Variants in TMPRSS11A observed in about 807,000 individuals in gnomAD.
The protein encoded by TMPRSS11A is transmembrane protease serine 11A.
Under a neutral mutation model 58.9 loss-of-function variants are expected in TMPRSS11A, and 53 were observed. That is an observed-to-expected ratio of 0.90 (90% CI 0.72 to 1.13). TMPRSS11A has a LOEUF of 1.13. Among genes scored for constraint, TMPRSS11A ranks in the 50% most tolerant of loss-of-function variants. The pLI is 0.00. For synonymous variants in TMPRSS11A, 167 were observed against 169.8 expected (o/e 0.98, Z 0.13); for missense variants, 493 against 499.3 (o/e 0.99, Z 0.12).
intron 3 of TMPRSS11A, among the ~76,000 whole-genome samples, chr4:67,932,659 A>G (rs543438051): frequency 1.3e-5 from 2 of 152,274 alleles, no homozygotes; most frequent in Admixed American, 6.5e-5. Context: ...TCTAGCCTCC[A>G]TCCTGGCATT....
At chr4:67,926,768 TGGTGGG>T (rs1439876633) in intron 5 of TMPRSS11A, among the ~76,000 whole-genome samples, 1 of 152,068 alleles carries the variant, frequency 6.6e-6, no homozygotes, top group Non-Finnish European at 1.5e-5. Context: ...AGTTGCCCAC[TGGTGGG>T]GGAGCAGCTT....
intron 1 of TMPRSS11A, among the ~76,000 whole-genome samples, chr4:67,953,034 A>G (rs1721202406): frequency 6.6e-6 from 1 of 152,152 alleles, no homozygotes; most frequent in Non-Finnish European, 1.5e-5. Context: ...TCAGATCATC[A>G]GGCATTAGAT....
intron 2 of TMPRSS11A, among the ~76,000 whole-genome samples, chr4:67,945,328 A>T (rs1720974556): frequency 6.6e-6 from 1 of 152,154 alleles, no homozygotes; most frequent in East Asian, 1.9e-4. Context: ...AATGGGAAAA[A>T]TACAAAACAA....
At chr4:67,916,112 G>A (rs889539526) in intron 8 of TMPRSS11A, among the ~76,000 whole-genome samples, 5 of 151,982 alleles carry the variant, frequency 3.3e-5, no homozygotes, top group Admixed American at 6.6e-5. Context: ...CTTGAGAAAC[G>A]CTACAAGAGT....
intron 3 of TMPRSS11A, among the ~76,000 whole-genome samples, chr4:67,939,814 G>A (rs112716463): frequency 0.022 from 3,276 of 152,016 alleles, 122 homozygotes; most frequent in African/African-American, 0.074. Flanking sequence ...TCAGCCCTCC[G>A]AGTAGCTGGG....
chr4:67,919,618 A>G (rs1720264932), intron 7 of TMPRSS11A, among the ~76,000 whole-genome samples: 2 of 152,230 alleles, frequency 1.3e-5, no homozygotes, highest in African/African-American at 4.8e-5. Context: ...AAGGAAAAGG[A>G]TCAAAGCAAG....
At chr4:67,926,570 C>A (rs867354287) in intron 5 of TMPRSS11A, among the ~76,000 whole-genome samples, 2 of 152,198 alleles carry the variant, frequency 1.3e-5, no homozygotes, top group Non-Finnish European at 2.9e-5. Flanking sequence ...CCCAACCTCA[C>A]GTGACCAGGC....
chr4:67,927,319 C>A (rs1720500324), intron 5 of TMPRSS11A, among the ~76,000 whole-genome samples: 1 of 152,226 alleles, frequency 6.6e-6, no homozygotes, highest in Non-Finnish European at 1.5e-5. Context: ...CTCTTTGGGA[C>A]CCTGCAGTTC....
chr4:67,960,002 T>C (rs183152906), intron 1 of TMPRSS11A, among the ~76,000 whole-genome samples: 2 of 152,298 alleles, frequency 1.3e-5, no homozygotes, highest in Non-Finnish European at 2.9e-5. Context: ...AAAATGTATG[T>C]CCTTTGCAGC....
intron 3 of TMPRSS11A, among the ~76,000 whole-genome samples, chr4:67,932,552 T>A (rs1720655633): frequency 6.6e-6 from 1 of 152,138 alleles, no homozygotes; most frequent in Non-Finnish European, 1.5e-5. Context: ...TTTTCTAACC[T>A]GTAAAACAAA....
At chr4:67,938,861 C>CT (rs1720812834) in intron 3 of TMPRSS11A, among the ~76,000 whole-genome samples, 1 of 145,398 alleles carries the variant, frequency 6.9e-6, no homozygotes, top group South Asian at 2.2e-4. Context: ...TGGCTCTGTT[C>CT]TTTTTTATTA....
chr4:67,956,133 G>A (rs1167733252), intron 1 of TMPRSS11A, among the ~76,000 whole-genome samples: 2 of 152,138 alleles, frequency 1.3e-5, no homozygotes, highest in Non-Finnish European at 2.9e-5. Context: ...CATGAAATAA[G>A]CAAATGAGGG....
chr4:67,919,711 G>A (rs1473654848), intron 7 of TMPRSS11A, among the ~76,000 whole-genome samples: 1 of 152,130 alleles, frequency 6.6e-6, no homozygotes, highest in Non-Finnish European at 1.5e-5. Context: ...GTACTAACAG[G>A]TCATTATGAT....
chr4:67,911,641 A>G, intron 9 of TMPRSS11A, 138 bp from the exon 10 acceptor site: 2 of 533,962 alleles, frequency 3.7e-6, no homozygotes, highest in Admixed American at 7.0e-5. Flanking sequence ...ATTAATTGAG[A>G]CATGGATTTT....
At chr4:67,921,501 G>T (rs1032253906) in intron 7 of TMPRSS11A, among the ~76,000 whole-genome samples, 3 of 152,106 alleles carry the variant, frequency 2.0e-5, no homozygotes, top group African/African-American at 7.2e-5. Flanking sequence ...GCCCAATGGG[G>T]TTTCACTATC....
chr4:67,928,069 G>T (rs1720518369), intron 5 of TMPRSS11A, among the ~76,000 whole-genome samples: 1 of 152,128 alleles, frequency 6.6e-6, no homozygotes, highest in Non-Finnish European at 1.5e-5. Context: ...TGGAGATGGA[G>T]TCTTGCTCTG....
chr4:67,921,122 TA>T (rs1480071155), intron 7 of TMPRSS11A, among the ~76,000 whole-genome samples: 1 of 152,164 alleles, frequency 6.6e-6, no homozygotes, highest in African/African-American at 2.4e-5. Flanking sequence ...TGGTAGAAGT[TA>T]ATAGAGTATA....
chr4:67,951,149 AC>A (rs1429767153), intron 1 of TMPRSS11A, among the ~76,000 whole-genome samples: 1 of 152,244 alleles, frequency 6.6e-6, no homozygotes, highest in Non-Finnish European at 1.5e-5. Context: ...ATCCAATTAG[AC>A]CAATCCAAAT....
Position 67,963,367 on chromosome 4 carries a change from A to G in TMPRSS11A, c.11+16T>C. ...GTACATCAAACAAGCCATCTATAAA[A>G]CAGAACTGAACTTACCGATACATCA... On this transcript the variant is annotated intron_variant, in intron 1 of 9. Coordinates refer to ENST00000508048, the MANE Select transcript of TMPRSS11A (RefSeq NM_001114387.2). The G allele has an allele frequency of 6.2e-7, 1 of 1,613,636 alleles. No homozygotes were observed. Among genetic ancestry groups the G allele is most frequent in the Non-Finnish European group, 8.5e-7 (1 of 1,179,770 alleles).
Sources: allele counts gnomAD v4.1 joint callset (sites outside exome capture counted in the v4.1 genomes callset), GRCh38; gene constraint gnomAD v4.1.1; transcripts MANE v1.5; gene names NCBI Gene and HGNC (gene_info 2026-07-23, HGNC 2026-07-21).